The following CYFIP2 variants were observed in gnomAD, a reference collection of about 807,000 sequenced individuals.
CYFIP2 encodes the protein cytoplasmic FMR1 interacting protein 2.
In CYFIP2, 29 loss-of-function variants were observed where a neutral mutation model predicts 158.7. The observed-to-expected ratio is 0.18, with a 90% CI of 0.14 to 0.25. CYFIP2 has a LOEUF of 0.25. CYFIP2 is among the 10% of genes least tolerant of loss of function. CYFIP2 has a pLI of 1.00. For synonymous variants in CYFIP2, 585 were observed against 617.6 expected (o/e 0.95, Z 0.78); for missense variants, 852 against 1,639.5 (o/e 0.52, Z 8.29).
intron 11 of CYFIP2, among the ~76,000 whole-genome samples, chr5:157,313,236 C>T (rs1320860292): frequency 6.6e-6 from 1 of 152,186 alleles, no homozygotes; most frequent in Non-Finnish European, 1.5e-5. Context: ...TCAACTGATC[C>T]ATATATAACC....
At chr5:157,366,608 C>A (rs1764393798) in intron 26 of CYFIP2, among the ~76,000 whole-genome samples, 1 of 152,160 alleles carries the variant, frequency 6.6e-6, no homozygotes, top group Admixed American at 6.5e-5. Context: ...AGACCTTCTT[C>A]CTGCAATCTG....
In CYFIP2 at chr5:157,323,968, C is replaced by T. The variant is rs764499380; in HGVS notation, c.1719C>T (p.Ser573=). 11 of 1,606,390 alleles carry T rather than the reference C, an allele frequency of 6.8e-6. No individual in the cohort carries two copies. Among genetic ancestry groups the T allele is most frequent in the South Asian group, 3.3e-5 (3 of 89,592 alleles). The part of the protein sequence containing the change: ...TMLESLIADK[S]GSKKTLRSSL... Reference sequence around the variant, plus strand: ...TTGAATCACTCATTGCAGACAAAAGCGGCTCCAAGAAGACCCTGAGGAGCA... The same window carrying T: ...TTGAATCACTCATTGCAGACAAAAGTGGCTCCAAGAAGACCCTGAGGAGCA... Residue 573 remains serine (S), a synonymous_variant, in exon 16 of 31, where the codon AGC becomes AGT. Transcript: ENST00000620254.
At chr5:157,359,497 A>C (rs2113354807) in intron 24 of CYFIP2, among the ~76,000 whole-genome samples, 1 of 152,310 alleles carries the variant, frequency 6.6e-6, no homozygotes, top group South Asian at 2.1e-4. Context: ...GAGCAGGGCA[A>C]ATTCATGACA....
At position 157,383,314 on chromosome 5, in the gene CYFIP2, C is replaced by T. The variant is rs372007539; in HGVS notation, c.3162C>T (p.Ala1054=). 5.7e-4 allele frequency: 915 copies of T among 1,613,728 alleles called. 1 individual carries two copies. The highest frequency in any genetic ancestry group is 7.4e-4 in the Non-Finnish European group (872 of 1,179,866). Residue 1054 remains alanine, a synonymous_variant, in exon 28 of 31, where the codon GCC becomes GCT. Coordinates refer to ENST00000620254, the MANE Select transcript of CYFIP2 (RefSeq NM_001037333.3). ...VRMKRLEAKY[A]PLHLVPLIER... is the part of the protein sequence containing the mutation. Reference sequence around the variant, plus strand: ...TGAAACGTCTGGAAGCCAAGTATGCCCCGCTCCACCTGGTCCCTCTGATCG... The same window carrying T: ...TGAAACGTCTGGAAGCCAAGTATGCTCCGCTCCACCTGGTCCCTCTGATCG...
At chr5:157,288,347 C>T (rs777944849) in intron 3 of CYFIP2, among the ~76,000 whole-genome samples, 1 of 152,192 alleles carries the variant, frequency 6.6e-6, no homozygotes, top group Non-Finnish European at 1.5e-5. Flanking sequence ...CACCTCTCAA[C>T]ACTGTTGCAC....
At chr5:157,279,787 A>G (rs1489495059) in intron 1 of CYFIP2, among the ~76,000 whole-genome samples, 1 of 152,266 alleles carries the variant, frequency 6.6e-6, no homozygotes, top group African/African-American at 2.4e-5. Flanking sequence ...AAATGGTCAC[A>G]TGTTCGTAGA....
chr5:157,366,659 A>G (rs1270713121), intron 26 of CYFIP2, among the ~76,000 whole-genome samples: 6 of 152,168 alleles, frequency 3.9e-5, no homozygotes, highest in African/African-American at 9.7e-5. Context: ...TGTATCCATA[A>G]ATGGTCTGGT....
At chr5:157,314,915 C>G (rs1040742565) in intron 12 of CYFIP2, 54 bp from the exon 13 acceptor site, 23 of 1,368,540 alleles carry the variant, frequency 1.7e-5, no homozygotes, top group Non-Finnish European at 2.1e-5. Flanking sequence ...CCACCACATT[C>G]TGTTTGTCCG....
chr5:157,368,468 G>A (rs1439100175), intron 26 of CYFIP2, among the ~76,000 whole-genome samples: 2 of 152,148 alleles, frequency 1.3e-5, no homozygotes, highest in Admixed American at 6.5e-5. Context: ...CCCAAGAAGC[G>A]TGTCCTGTCC....
Position 157,361,412 on chromosome 5 carries a change from A to G in CYFIP2, c.2909-56A>G. 2 of 1,610,672 alleles carry G rather than the reference A, an allele frequency of 1.2e-6. No individual in the cohort carries two copies. The highest frequency in any genetic ancestry group is 1.7e-6 in the Non-Finnish European group (2 of 1,178,524). On this transcript the variant is annotated intron_variant, in intron 25 of 30. Transcript: ENST00000620254. This position sits in a 1 kb window ranked among gnomAD's most constrained non-coding sequence, Gnocchi z 4.4. ...GGCTGCCACTCAGTCATTGTTTCCC[A>G]TAGACCCTACTGAGCAGTGTCAACT...
intron 3 of CYFIP2, 72 bp downstream of exon 3, chr5:157,287,180 C>A: frequency 8.2e-7 from 1 of 1,212,714 alleles, no homozygotes; most frequent in Non-Finnish European, 1.2e-6. Flanking sequence ...CAGCTTCTCA[C>A]ACCAGAGGCA....
intron 30 of CYFIP2, among the ~76,000 whole-genome samples, chr5:157,392,506 C>A (rs1367253972): frequency 2.6e-5 from 4 of 152,112 alleles, no homozygotes. Context: ...GTCTTGGCAC[C>A]CTTGTTGAAA....
chr5:157,322,149 G>A (rs960306184), intron 15 of CYFIP2, among the ~76,000 whole-genome samples: 3 of 152,142 alleles, frequency 2.0e-5, no homozygotes, highest in Admixed American at 6.5e-5. Flanking sequence ...GAATAGACTC[G>A]TAGACAACCA....
intron 21 of CYFIP2, among the ~76,000 whole-genome samples, chr5:157,337,780 G>C (rs991650563): frequency 2.6e-5 from 4 of 152,234 alleles, no homozygotes; most frequent in Admixed American, 2.6e-4. Flanking sequence ...TGGCCTTGCC[G>C]ATGTTCTTTT....
chr5:157,362,204 C>T (rs1055903279), intron 26 of CYFIP2, among the ~76,000 whole-genome samples: 1 of 152,202 alleles, frequency 6.6e-6, no homozygotes, highest in Non-Finnish European at 1.5e-5. Flanking sequence ...AGAATGTTAG[C>T]TCCAGCTTGT....
chr5:157,297,195 A>G (rs1175250521), intron 5 of CYFIP2, among the ~76,000 whole-genome samples: 1 of 152,234 alleles, frequency 6.6e-6, no homozygotes, highest in African/African-American at 2.4e-5. Flanking sequence ...TTCAGGCAGA[A>G]GTTGCCACAG....
intron 12 of CYFIP2, 100 bp from the exon 13 acceptor site, chr5:157,314,869 C>CT: frequency 6.0e-6 from 6 of 1,002,150 alleles, no homozygotes; most frequent in Non-Finnish European, 8.8e-6. Context: ...TACTTTATTC[C>CT]TTTTTTCCAG....
At chr5:157,360,227 C>T in intron 24 of CYFIP2, 55 bp from the exon 25 acceptor site, 1 of 1,476,474 alleles carries the variant, frequency 6.8e-7, no homozygotes, top group Non-Finnish European at 9.4e-7. Flanking sequence ...GCATAACCTC[C>T]ATACCCCGCA....
chr5:157,369,786 T>C (rs1203762033), intron 26 of CYFIP2, among the ~76,000 whole-genome samples: 1 of 152,092 alleles, frequency 6.6e-6, no homozygotes, highest in African/African-American at 2.4e-5. Flanking sequence ...GTCTCAACTA[T>C]GGCTGCTCAT....
Sources: gnomAD v4.1 joint callset for allele counts (sites outside exome capture counted in the v4.1 genomes callset) on GRCh38, gnomAD v4.1.1 for gene constraint, Gnocchi (gnomAD v3.1) non-coding constraint, MANE v1.5 for transcripts, NCBI Gene and HGNC (gene_info 2026-07-23, HGNC 2026-07-21) for gene names.